Variants in INPP4B observed in about 807,000 individuals in gnomAD.
The protein encoded by INPP4B is inositol polyphosphate-4-phosphatase type II B, also known as inositol polyphosphate 4-phosphatase type II.
Under a neutral mutation model 122.5 loss-of-function variants are expected in INPP4B, and 55 were observed. The observed-to-expected ratio is 0.45, with a 90% confidence interval of 0.36 to 0.56. The LOEUF is 0.56. Ranked by LOEUF, INPP4B falls within the 20% of genes least tolerant of loss-of-function variation. The pLI is 0.00. For synonymous variants in INPP4B, 403 were observed against 388.7 expected (o/e 1.04, Z -0.43); for missense variants, 1,000 against 1,097.7 (o/e 0.91, Z 1.26).
intron 7 of INPP4B, among the ~76,000 whole-genome samples, chr4:142,331,615 A>AG (rs1283715692): frequency 5.3e-5 from 8 of 152,204 alleles, no homozygotes; most frequent in African/African-American, 1.7e-4. Flanking sequence ...TTTGTTTGAG[A>AG]GGTAACAAGC....
chr4:142,649,647 A>T (rs1752521612), intron 2 of INPP4B, among the ~76,000 whole-genome samples: 1 of 152,222 alleles, frequency 6.6e-6, no homozygotes, highest in Non-Finnish European at 1.5e-5. Context: ...AAATGAAGTG[A>T]GAAGAAAAGG....
intron 2 of INPP4B, among the ~76,000 whole-genome samples, chr4:142,477,470 G>GA (rs60492626): frequency 0.27 from 40,899 of 148,916 alleles, 6,420 homozygotes; most frequent in East Asian, 0.55. Flanking sequence ...AAACTGGGAT[G>GA]AAAAAAAAAT....
At position 142,254,294 on chromosome 4, in the gene INPP4B, C is replaced by T. The variant is rs1027509334; in HGVS notation, c.688+6198G>A. Among the ~76,000 whole-genome samples, 33 of 145,944 alleles carry T rather than the reference C, an allele frequency of 2.3e-4. 1 individual carries two copies. The highest frequency in any genetic ancestry group is 6.3e-4 in the Admixed American group (9 of 14,290). On this transcript the variant is annotated intron_variant, in intron 11 of 25. Transcript: ENST00000262992. Reference sequence around the variant, plus strand: ...AAACTGGAAACTCTAAAAAGCAGAGCGCCTCTCCTCCTCCAAAGGAATGCA... The same window carrying T: ...AAACTGGAAACTCTAAAAAGCAGAGTGCCTCTCCTCCTCCAAAGGAATGCA...
At chr4:142,737,701 A>G (rs1767178099) in intron 1 of INPP4B, among the ~76,000 whole-genome samples, 2 of 152,126 alleles carry the variant, frequency 1.3e-5, no homozygotes, top group Non-Finnish European at 1.5e-5. Context: ...GAAAATTTTT[A>G]CAATCTACTC....
chr4:142,765,349 A>G (rs76706402), intron 1 of INPP4B, among the ~76,000 whole-genome samples: 3,750 of 152,268 alleles, frequency 0.025, 58 homozygotes, highest in Middle Eastern at 0.095. Flanking sequence ...ATAAAATTAC[A>G]CAAGAGTTGT....
intron 16 of INPP4B, among the ~76,000 whole-genome samples, chr4:142,167,015 C>T (rs1002678431): frequency 6.6e-6 from 1 of 151,736 alleles, no homozygotes; most frequent in Non-Finnish European, 1.5e-5. Context: ...CCAGAAATAC[C>T]ATCTGACCCA....
intron 23 of INPP4B, among the ~76,000 whole-genome samples, chr4:142,089,437 C>CCACACACACA (rs36203495): frequency 2.1e-5 from 3 of 141,512 alleles, no homozygotes; most frequent in East Asian, 4.2e-4. Flanking sequence ...GATGTTCTCA[C>CCACACACACA]CACACACACA....
chr4:142,451,855 C>G (rs949807655), intron 3 of INPP4B, among the ~76,000 whole-genome samples: 6 of 152,130 alleles, frequency 3.9e-5, no homozygotes, highest in Non-Finnish European at 7.4e-5. Context: ...GTTATTCACT[C>G]GTTTCAAATT....
At chr4:142,742,933 C>T (rs1489372013) in intron 1 of INPP4B, among the ~76,000 whole-genome samples, 1 of 151,890 alleles carries the variant, frequency 6.6e-6, no homozygotes, top group Non-Finnish European at 1.5e-5. Context: ...GACGAATTAA[C>T]TTTAGAATCC....
In INPP4B at chr4:142,290,195, C is replaced by CTTTTTTTTTTTTTTTT. The variant is rs35260066; in HGVS notation, c.503+15247_503+15262dup. Among the ~76,000 whole-genome samples the CTTTTTTTTTTTTTTTT allele has an allele frequency of 2.2e-4, 17 of 77,484 alleles. 1 individual carries two copies. Among genetic ancestry groups the CTTTTTTTTTTTTTTTT allele is most frequent in the East Asian group, 8.5e-4 (2 of 2,346 alleles). The allele number at this position is 77,484 out of a possible 152,430, so 50.8% of individuals were successfully genotyped here. A position where few individuals can be genotyped will look rare whatever the true frequency, so the allele number is the denominator to read the frequency against. On this transcript the variant is annotated intron_variant, in intron 9 of 25. Transcript: ENST00000262992. ...CCACCTTGGCCTTATTTCTTTCTTC[C>CTTTTTTTTTTTTTTTT]TTTTTTTTTTTTTTTTTTTTTTTTT... is the stretch of plus-strand genomic sequence containing the variant.
At chr4:142,077,373 C>T (rs531255324) in intron 25 of INPP4B, among the ~76,000 whole-genome samples, 1 of 152,018 alleles carries the variant, frequency 6.6e-6, no homozygotes, top group East Asian at 1.9e-4. Flanking sequence ...GTGTAGTCAT[C>T]ATCCTAGAGT....
At chr4:142,051,526 T>A (rs923156694) in intron 25 of INPP4B, among the ~76,000 whole-genome samples, 1 of 152,038 alleles carries the variant, frequency 6.6e-6, no homozygotes, top group South Asian at 2.1e-4. Context: ...GAAATGTACA[T>A]CTATTTTTTA....
intron 1 of INPP4B, among the ~76,000 whole-genome samples, chr4:142,753,749 T>A (rs1384462901): frequency 6.6e-6 from 1 of 152,008 alleles, no homozygotes; most frequent in African/African-American, 2.4e-5. Flanking sequence ...CCCTCCTATG[T>A]ACAAAAAAGA....
chr4:142,408,935 A>G (rs185086304), intron 5 of INPP4B, among the ~76,000 whole-genome samples: 143 of 152,318 alleles, frequency 9.4e-4, no homozygotes, highest in African/African-American at 3.1e-3. Context: ...TTTTATTGAA[A>G]TGTGGGAAAA....
intron 3 of INPP4B, among the ~76,000 whole-genome samples, chr4:142,439,775 G>C (rs1162042659): frequency 1.3e-5 from 2 of 152,152 alleles, no homozygotes; most frequent in Non-Finnish European, 2.9e-5. Flanking sequence ...TATCAAATAT[G>C]CAGAAGAAAC....
intron 3 of INPP4B, among the ~76,000 whole-genome samples, chr4:142,436,476 A>C (rs1433513700): frequency 1.3e-5 from 2 of 152,184 alleles, no homozygotes; most frequent in African/African-American, 4.8e-5. Flanking sequence ...AAGGGTCATC[A>C]GACACCCTAT....
chr4:142,348,248 C>T (rs938216148), intron 7 of INPP4B, among the ~76,000 whole-genome samples: 3 of 152,018 alleles, frequency 2.0e-5, no homozygotes, highest in African/African-American at 7.2e-5. Flanking sequence ...AGCCTGTCTC[C>T]ACAAGCCTCT....
At chr4:142,068,361 C>T (rs1017269717) in intron 25 of INPP4B, among the ~76,000 whole-genome samples, 3 of 152,148 alleles carry the variant, frequency 2.0e-5, no homozygotes, top group Non-Finnish European at 4.4e-5. Flanking sequence ...CAATCAGTAC[C>T]AGCCACTGCA....
chr4:142,647,984 TCCA>T (rs1329143290), intron 2 of INPP4B, among the ~76,000 whole-genome samples: 3 of 152,222 alleles, frequency 2.0e-5, no homozygotes, highest in Non-Finnish European at 4.4e-5. Flanking sequence ...TCTCTTTTCC[TCCA>T]CCATTCAATC....
Sources: allele counts gnomAD v4.1 joint callset (sites outside exome capture counted in the v4.1 genomes callset), GRCh38; gene constraint gnomAD v4.1.1; transcripts MANE v1.5; gene names NCBI Gene and HGNC (gene_info 2026-07-23, HGNC 2026-07-21).